Variants in GNA12 observed in about 807,000 individuals in gnomAD.
The protein encoded by GNA12 is G protein subunit alpha 12.
GNA12 carries 9 observed loss-of-function variants against 26.0 expected under a neutral mutation model. The observed-to-expected ratio is 0.35, with a 90% CI of 0.21 to 0.60. GNA12 has a LOEUF of 0.60. Ranked by LOEUF, GNA12 falls within the 20% of genes least tolerant of loss-of-function variation. GNA12 has a pLI of 0.78. For synonymous variants in GNA12, 264 were observed against 219.6 expected (o/e 1.20, Z -1.79); for missense variants, 405 against 525.8 (o/e 0.77, Z 2.25).
At chr7:2,786,318 A>C (rs1179984913) in intron 2 of GNA12, among the ~76,000 whole-genome samples, 1 of 152,320 alleles carries the variant, frequency 6.6e-6, no homozygotes, top group African/African-American at 2.4e-5. Flanking sequence ...CAAAATGAAA[A>C]ATTGAAAAAA....
intron 2 of GNA12, among the ~76,000 whole-genome samples, chr7:2,784,584 C>A (rs558519831): frequency 1.3e-5 from 2 of 152,208 alleles, no homozygotes; most frequent in Non-Finnish European, 2.9e-5. Context: ...ACCCAATCAG[C>A]CCAAAGCATT....
intron 2 of GNA12, among the ~76,000 whole-genome samples, chr7:2,767,584 C>T (rs1450469791): frequency 6.6e-6 from 1 of 151,758 alleles, no homozygotes; most frequent in Non-Finnish European, 1.5e-5. Flanking sequence ...CTCTCACACA[C>T]AAGAACAACT....
chr7:2,782,688 C>G (rs1033975489), intron 2 of GNA12, among the ~76,000 whole-genome samples: 1 of 151,268 alleles, frequency 6.6e-6, no homozygotes, highest in Non-Finnish European at 1.5e-5. Context: ...TTGGGATTCA[C>G]TGGGTTTCTT....
rs1789835416 is a variant in GNA12, at chr7:2,730,546, G to C, written c.*635C>G. Reference sequence around the variant, plus strand: ...AAGGGATCCTAGGCACGGCTCCTCAGCTTCATCTGAGAGGCTTGGACTAGG... The same window carrying C: ...AAGGGATCCTAGGCACGGCTCCTCACCTTCATCTGAGAGGCTTGGACTAGG... On this transcript the variant is annotated 3_prime_UTR_variant, in exon 4 of 4. Transcript: ENST00000275364. 6.6e-6 allele frequency: 1 copy of C among 152,470 alleles called. No homozygotes were observed. Among genetic ancestry groups the C allele is most frequent in the Non-Finnish European group, 1.5e-5 (1 of 68,136 alleles). The allele number at this position is 152,470 out of a possible 1,614,324, so 9.4% of individuals were successfully genotyped here.
chr7:2,748,223 C>G (rs1790862075), intron 2 of GNA12, among the ~76,000 whole-genome samples: 1 of 151,204 alleles, frequency 6.6e-6, no homozygotes, highest in Non-Finnish European at 1.5e-5. Flanking sequence ...GCCAAAAGAA[C>G]AAAGCTGGAG....
intron 2 of GNA12, among the ~76,000 whole-genome samples, chr7:2,758,247 C>T (rs748137262): frequency 8.5e-5 from 13 of 152,188 alleles, no homozygotes; most frequent in African/African-American, 2.7e-4. Context: ...GCTTTAGGGC[C>T]GGGTGCAGTG....
intron 1 of GNA12, among the ~76,000 whole-genome samples, chr7:2,832,177 C>A (rs747931092): frequency 3.3e-5 from 5 of 152,194 alleles, no homozygotes; most frequent in Non-Finnish European, 7.3e-5. Context: ...AAGGCCTCTT[C>A]CACTAGGCAA....
At chr7:2,796,952 G>A (rs1221564257) in intron 1 of GNA12, among the ~76,000 whole-genome samples, 1 of 152,170 alleles carries the variant, frequency 6.6e-6, no homozygotes, top group African/African-American at 2.4e-5. Flanking sequence ...GGGGCACACT[G>A]CATACTCTCT....
intron 1 of GNA12, among the ~76,000 whole-genome samples, chr7:2,820,925 G>C (rs1328810591): frequency 2.0e-5 from 3 of 152,232 alleles, no homozygotes; most frequent in Admixed American, 2.0e-4. Context: ...ATTTCTGATA[G>C]AGATGGGATC....
At position 2,782,443 on chromosome 7, in the gene GNA12, T is replaced by G. The variant is rs146769081; in HGVS notation, c.525+12485A>C. ...AATGTCTCTGTTCTGCCTTCTATTT[T>G]ACAAAACTCAATTAGATTGAGAGTT... On this transcript the variant is annotated intron_variant, in intron 2 of 3. Transcript: ENST00000275364. 9.8e-4 allele frequency among the ~76,000 whole-genome samples: 150 copies of G among 152,298 alleles called. 1 individual carries two copies. Among genetic ancestry groups the G allele is most frequent in the Middle Eastern group, 6.8e-3 (2 of 294 alleles).
intron 2 of GNA12, among the ~76,000 whole-genome samples, chr7:2,791,748 G>C (rs1327532313): frequency 6.6e-6 from 1 of 152,162 alleles, no homozygotes; most frequent in Non-Finnish European, 1.5e-5. Context: ...GGGAGCCCTG[G>C]TAACGGTGAC....
intron 2 of GNA12, among the ~76,000 whole-genome samples, chr7:2,774,828 TA>T (rs1191511723): frequency 1.3e-5 from 2 of 152,234 alleles, no homozygotes; most frequent in Non-Finnish European, 2.9e-5. Context: ...GTCACATATT[TA>T]CGCAGCTATC....
At chr7:2,762,712 AG>A in intron 2 of GNA12, 10 of 1,564,642 alleles carry the variant, frequency 6.4e-6, no homozygotes, top group Non-Finnish European at 8.6e-6. Flanking sequence ...GGAGCGCCAG[AG>A]GGAAGCAGGC....
intron 1 of GNA12, among the ~76,000 whole-genome samples, chr7:2,795,816 CT>C (rs71026559): frequency 0.048 from 6,636 of 137,814 alleles, 170 homozygotes; most frequent in Middle Eastern, 0.086. Context: ...AAAAAAACAA[CT>C]TTTTTTTTTT....
intron 1 of GNA12, among the ~76,000 whole-genome samples, chr7:2,804,060 C>G (rs888191417): frequency 3.9e-5 from 6 of 152,170 alleles, no homozygotes; most frequent in Non-Finnish European, 8.8e-5. Context: ...ACATGACAAA[C>G]ACTAGTACAA....
Position 2,844,250 on chromosome 7 carries a change from C to G in GNA12, c.-89G>C, listed in dbSNP as rs1779101398. On this transcript the variant is annotated 5_prime_UTR_variant, in exon 1 of 4. Transcript: ENST00000275364. ...GGGCGAGCCCGGGCCGAGGCACCGC[C>G]CCACGCCCCGCCGCTCGCCTCAGGC... is the stretch of plus-strand genomic sequence containing the variant. The G allele has an allele frequency of 3.3e-6, 2 of 597,696 alleles. No individual in the cohort carries two copies. The highest frequency in any genetic ancestry group is 4.0e-5 in the African/African-American group (2 of 49,408). The allele number at this position is 597,696 out of a possible 1,614,324, so 37.0% of individuals were successfully genotyped here.
At chr7:2,835,516 A>C in intron 1 of GNA12, 14 of 437,244 alleles carry the variant, frequency 3.2e-5, no homozygotes, top group East Asian at 4.1e-5. Context: ...AGGGGAGGGA[A>C]TGTGGAGACA....
At chr7:2,827,071 T>C (rs890125897) in intron 1 of GNA12, among the ~76,000 whole-genome samples, 9 of 152,218 alleles carry the variant, frequency 5.9e-5, no homozygotes, top group African/African-American at 2.2e-4. Context: ...TCAGTTTTTC[T>C]GTAAACCTAA....
chr7:2,770,620 A>G (rs1009942116), intron 2 of GNA12, among the ~76,000 whole-genome samples: 22 of 151,738 alleles, frequency 1.4e-4, no homozygotes, highest in African/African-American at 5.3e-4. Context: ...TGGGCCACAT[A>G]GTGAGACTCC....
Sources: gnomAD v4.1 joint callset for allele counts (sites outside exome capture counted in the v4.1 genomes callset) on GRCh38, gnomAD v4.1.1 for gene constraint, MANE v1.5 for transcripts, NCBI Gene and HGNC (gene_info 2026-07-23, HGNC 2026-07-21) for gene names.